The following NAPB variants were observed in gnomAD, a reference collection of about 807,000 sequenced individuals.
The protein encoded by NAPB is NSF attachment protein beta, also known as beta-soluble NSF attachment protein.
Under a neutral mutation model 44.7 loss-of-function variants are expected in NAPB, and 26 were observed. The ratio of observed to expected loss-of-function variants is 0.58; its 90% CI spans 0.43 to 0.81. NAPB has a LOEUF of 0.81. Among genes scored for constraint, NAPB ranks in the 30% least tolerant of loss-of-function variants. NAPB has a pLI of 0.00. For synonymous variants in NAPB, 120 were observed against 116.8 expected, an observed-to-expected ratio of 1.03 and a Z score of -0.18; for missense variants, 315 against 356.4, an observed-to-expected ratio of 0.88 and a Z score of 0.94.
At chr20:23,404,781 C>T (rs557602181) in intron 1 of NAPB, among the ~76,000 whole-genome samples, 26 of 152,290 alleles carry the variant, frequency 1.7e-4, no homozygotes, top group African/African-American at 6.0e-4. Flanking sequence ...AAATGCAAAT[C>T]GAAACCACAC....
intron 1 of NAPB, among the ~76,000 whole-genome samples, chr20:23,419,023 G>A (rs934755052): frequency 4.6e-5 from 7 of 152,020 alleles, no homozygotes; most frequent in African/African-American, 1.7e-4. Flanking sequence ...CTGCTTCTTT[G>A]ATAAATAACT....
intron 1 of NAPB, among the ~76,000 whole-genome samples, chr20:23,416,299 G>A (rs918041471): frequency 6.6e-6 from 1 of 152,078 alleles, no homozygotes; most frequent in Non-Finnish European, 1.5e-5. Flanking sequence ...ACAAGAAAAA[G>A]GCCAGTCTGG....
chr20:23,388,883 A>C (rs569370117), intron 7 of NAPB, among the ~76,000 whole-genome samples: 1 of 152,320 alleles, frequency 6.6e-6, no homozygotes, highest in Non-Finnish European at 1.5e-5. Flanking sequence ...AGCCAGACAA[A>C]GAAAAAATAG....
intron 1 of NAPB, among the ~76,000 whole-genome samples, chr20:23,415,449 C>T (rs966033619): frequency 6.6e-6 from 1 of 152,044 alleles, no homozygotes; most frequent in African/African-American, 2.4e-5. Context: ...CAAAAATTAG[C>T]TGGGTGTGGT....
At chr20:23,412,722 GT>G (rs1985743605) in intron 1 of NAPB, among the ~76,000 whole-genome samples, 1 of 152,178 alleles carries the variant, frequency 6.6e-6, no homozygotes, top group South Asian at 2.1e-4. Flanking sequence ...ACCTTCTAAA[GT>G]ATACATGGGA....
chr20:23,390,533 G>A (rs1983867284), intron 5 of NAPB, among the ~76,000 whole-genome samples: 1 of 152,220 alleles, frequency 6.6e-6, no homozygotes, highest in African/African-American at 2.4e-5. Flanking sequence ...GGCAGCCTAT[G>A]ACTAGTTCTC....
chr20:23,397,748 C>T (rs1374704232), intron 2 of NAPB, among the ~76,000 whole-genome samples: 1 of 152,160 alleles, frequency 6.6e-6, no homozygotes, highest in Non-Finnish European at 1.5e-5. Flanking sequence ...TACTTTATAG[C>T]AAAATCTGAC....
At chr20:23,394,186 T>A (rs998619303) in intron 5 of NAPB, among the ~76,000 whole-genome samples, 5 of 152,096 alleles carry the variant, frequency 3.3e-5, no homozygotes, top group African/African-American at 1.2e-4. Context: ...CTCTGGCTAC[T>A]CTGTGGCATG....
intron 1 of NAPB, among the ~76,000 whole-genome samples, chr20:23,420,783 T>G (rs1986352207): frequency 6.7e-6 from 1 of 149,256 alleles, no homozygotes; most frequent in Non-Finnish European, 1.5e-5. Context: ...CGATCTGGGG[T>G]CTCCAGAGGG....
intron 8 of NAPB, 25 bp from the exon 9 acceptor site, chr20:23,379,960 A>G: frequency 6.3e-7 from 1 of 1,595,364 alleles, no homozygotes. Flanking sequence ...CCACTCATCA[A>G]TTTCAGACTT....
chr20:23,387,024 A>C (rs1031446302), intron 7 of NAPB, among the ~76,000 whole-genome samples: 1 of 152,250 alleles, frequency 6.6e-6, no homozygotes, highest in Non-Finnish European at 1.5e-5. Flanking sequence ...TGATTAGGAC[A>C]AAAACCATAC....
At position 23,374,920 on chromosome 20, in the gene NAPB, T is replaced by C. The variant is rs549325160; in HGVS notation, c.*2456A>G. On this transcript the variant is annotated 3_prime_UTR_variant, in exon 11 of 11. Coordinates refer to ENST00000377026, the MANE Select transcript of NAPB (RefSeq NM_022080.3). ...CTAAGAAATATTAACTGACTTTGAC[T>C]ATGAACTAACTCCAGATTTGCTAAA... 4 of 152,436 alleles carry C rather than the reference T, an allele frequency of 2.6e-5. No individual in the cohort carries two copies. The South Asian group carries it at 8.3e-4, about 32-fold the overall frequency. The allele number at this position is 152,436 out of a possible 1,614,324, so 9.4% of individuals were successfully genotyped here.
chr20:23,383,230 T>C (rs1983181234), intron 7 of NAPB, among the ~76,000 whole-genome samples: 1 of 151,480 alleles, frequency 6.6e-6, no homozygotes, highest in African/African-American at 2.4e-5. Flanking sequence ...TTCTCAAATT[T>C]GACAAGAAAC....
Position 23,390,840 on chromosome 20 carries a change from T to C in NAPB, c.421-576A>G, listed in dbSNP as rs1020741467. On this transcript the variant is annotated intron_variant, in intron 5 of 10. Transcript: ENST00000377026. ...CCTAATTACACCTTACGTCTATGACTTGCAGCACAGACTACACACACTAAT... is the reference window on the plus strand; with the variant it reads ...CCTAATTACACCTTACGTCTATGACCTGCAGCACAGACTACACACACTAAT... Among the ~76,000 whole-genome samples the C allele has an allele frequency of 4.6e-5, 7 of 152,330 alleles. No homozygotes were observed. In the East Asian group the frequency reaches 1.4e-3, roughly 29 times the overall value.
intron 2 of NAPB, among the ~76,000 whole-genome samples, chr20:23,400,252 G>A (rs903649520): frequency 1.3e-5 from 2 of 152,234 alleles, no homozygotes; most frequent in African/African-American, 2.4e-5. Context: ...GCCGGGCACA[G>A]TGGCTCATGC....
intron 5 of NAPB, among the ~76,000 whole-genome samples, chr20:23,392,247 GTGTTCCAAAGAAATATTT>G (rs1330051322): frequency 6.6e-6 from 1 of 152,152 alleles, no homozygotes; most frequent in Non-Finnish European, 1.5e-5. Context: ...GCTCTGACAG[GTGTTCCAAAGAAATATTT>G]TCTTCCAGAG....
chr20:23,411,656 A>G (rs143736405), intron 1 of NAPB, among the ~76,000 whole-genome samples: 47 of 152,178 alleles, frequency 3.1e-4, no homozygotes, highest in African/African-American at 9.9e-4. Flanking sequence ...AAGGGATATT[A>G]GAGAACAAGA....
intron 1 of NAPB, among the ~76,000 whole-genome samples, chr20:23,415,477 C>A (rs1985937676): frequency 6.6e-6 from 1 of 151,944 alleles, no homozygotes; most frequent in Non-Finnish European, 1.5e-5. Flanking sequence ...ATCTGTAATC[C>A]AAGCTACTCA....
intron 7 of NAPB, among the ~76,000 whole-genome samples, chr20:23,382,884 G>A (rs1193944777): frequency 2.0e-5 from 3 of 152,172 alleles, no homozygotes; most frequent in Non-Finnish European, 4.4e-5. Flanking sequence ...GCTGGGCATG[G>A]TGGCTCACGC....
Sources: allele counts gnomAD v4.1 joint callset (sites outside exome capture counted in the v4.1 genomes callset), GRCh38; gene constraint gnomAD v4.1.1; transcripts MANE v1.5; gene names NCBI Gene and HGNC (gene_info 2026-07-23, HGNC 2026-07-21).